SLC25A48: variants seen among roughly 807,000 people sequenced by gnomAD.
The protein encoded by SLC25A48 is solute carrier family 25 member 48.
In SLC25A48, 29 loss-of-function variants were observed where a neutral mutation model predicts 32.2. The ratio of observed to expected loss-of-function variants is 0.90; its 90% confidence interval spans 0.67 to 1.23. The LOEUF is 1.23. SLC25A48 is among the 50% of genes most tolerant of loss of function. The pLI, the probability that SLC25A48 is intolerant of heterozygous loss-of-function variation, is 0.00. For synonymous variants in SLC25A48, 164 were observed against 172.3 expected, an observed-to-expected ratio of 0.95 and a Z score of 0.38; for missense variants, 399 against 422.7, an observed-to-expected ratio of 0.94 and a Z score of 0.49.
rs1762793958 is a variant in SLC25A48 at position 135,887,924 on chromosome 5, A to G, written c.*8-108A>G. On this transcript the variant is annotated intron_variant, in intron 7 of 7. Transcript: ENST00000681962. ...GTGCAAAAGTGTTTTTGTAAACTGT[A>G]AAGTGCAAAACATAGGGGTTAGAGG... 4.8e-6 allele frequency: 5 copies of G among 1,042,770 alleles called. No individual in the cohort carries two copies. In the Admixed American group the frequency reaches 6.6e-5, roughly 14 times the overall value. The allele number at this position is 1,042,770 out of a possible 1,614,324, so 64.6% of individuals were successfully genotyped here. A position where few individuals can be genotyped will look rare whatever the true frequency, so the allele number is the denominator to read the frequency against.
In SLC25A48 at chr5:135,712,962, A is replaced by C. The variant is rs377114980; in HGVS notation, c.-521+78006A>C. On this transcript the variant is annotated intron_variant, in intron 3 of 10. Coordinates refer to the SLC25A48 transcript ENST00000646290. ...AGAACTTGCCCAGTCTCAGGCACCC[A>C]CCCCATCAAAACTTATCCATCCTAT... 3.7e-4 allele frequency among the ~76,000 whole-genome samples: 57 copies of C among 152,236 alleles called. No individual in the cohort carries two copies. In the East Asian group the frequency reaches 9.1e-3, roughly 24 times the overall value.
chr5:135,806,253 TG>T (rs1286940752), intron 3 of SLC25A48, among the ~76,000 whole-genome samples: 1 of 151,778 alleles, frequency 6.6e-6, no homozygotes, highest in East Asian at 1.9e-4. Context: ...CCTGTGGGTA[TG>T]TACTCTGATG....
rs778221644 is a variant in SLC25A48 at position 135,858,265 on chromosome 5, A to G, written c.421+5444A>G. 8.5e-5 allele frequency among the ~76,000 whole-genome samples: 13 copies of G among 152,300 alleles called. 1 individual carries two copies. The highest frequency in any genetic ancestry group is 1.9e-4 in the Non-Finnish European group (13 of 68,030). ...GAGGCATGGAGGTTTCTGCAGGCAAATATTTCTCAACCCTGCAAAGCTTTG... is the reference window on the plus strand; with the variant it reads ...GAGGCATGGAGGTTTCTGCAGGCAAGTATTTCTCAACCCTGCAAAGCTTTG... On this transcript the variant is annotated intron_variant, in intron 4 of 7. Coordinates refer to ENST00000681962, the MANE Select transcript of SLC25A48 (RefSeq NM_001349336.2).
At chr5:135,705,987 C>T (rs1414270521) in intron 3 of SLC25A48, among the ~76,000 whole-genome samples, 1 of 152,230 alleles carries the variant, frequency 6.6e-6, no homozygotes, top group African/African-American at 2.4e-5. Context: ...TCAAGAGTCT[C>T]TCACCTGTAA....
At chr5:135,820,795 A>C (rs968914573) in intron 4 of SLC25A48, among the ~76,000 whole-genome samples, 21 of 152,224 alleles carry the variant, frequency 1.4e-4, no homozygotes, top group African/African-American at 4.8e-4. Context: ...TACAACAACT[A>C]AATTTGACAT....
At chr5:135,828,837 G>A (rs1313930147) in intron 4 of SLC25A48, among the ~76,000 whole-genome samples, 2 of 152,184 alleles carry the variant, frequency 1.3e-5, no homozygotes, top group Non-Finnish European at 1.5e-5. Flanking sequence ...CCCTCCTACA[G>A]CCATGGGGGC....
At chr5:135,668,824 T>A (rs923752741) in intron 3 of SLC25A48, among the ~76,000 whole-genome samples, 3 of 152,186 alleles carry the variant, frequency 2.0e-5, no homozygotes, top group Admixed American at 1.3e-4. Context: ...CAGAAATAGA[T>A]AATGCAAAGA....
chr5:135,872,043 A>G, intron 5 of SLC25A48: 1 of 1,237,316 alleles, frequency 8.1e-7, no homozygotes, highest in South Asian at 3.6e-5. Context: ...CAATCTTTGT[A>G]ATGTAAGGAT....
At chr5:135,585,041 G>T (rs978975646) in intron 1 of SLC25A48, among the ~76,000 whole-genome samples, 2 of 152,236 alleles carry the variant, frequency 1.3e-5, no homozygotes, top group Non-Finnish European at 2.9e-5. Context: ...AGACGCTGGC[G>T]ATGGGCGATG....
chr5:135,712,454 CTT>C (rs1754689765), intron 3 of SLC25A48, among the ~76,000 whole-genome samples: 1 of 152,186 alleles, frequency 6.6e-6, no homozygotes, highest in South Asian at 2.1e-4. Flanking sequence ...ACAGTAGACA[CTT>C]TGGAGAATAC....
At chr5:135,675,406 C>T (rs1424417897) in intron 3 of SLC25A48, among the ~76,000 whole-genome samples, 1 of 151,750 alleles carries the variant, frequency 6.6e-6, no homozygotes, top group African/African-American at 2.4e-5. Context: ...AGCCATAAAA[C>T]CTTGGCCTGC....
At chr5:135,836,245 C>T (rs1463177855) in intron 1 of SLC25A48, among the ~76,000 whole-genome samples, 1 of 152,110 alleles carries the variant, frequency 6.6e-6, no homozygotes, top group Non-Finnish European at 1.5e-5. Flanking sequence ...GAACCCTCCC[C>T]GACTCACAGC....
intron 4 of SLC25A48, among the ~76,000 whole-genome samples, chr5:135,820,306 A>C (rs1260476644): frequency 3.3e-5 from 5 of 152,222 alleles, no homozygotes; most frequent in Non-Finnish European, 5.9e-5. Flanking sequence ...ACTAGGCACA[A>C]AAGAACATGC....
intron 1 of SLC25A48, among the ~76,000 whole-genome samples, chr5:135,606,412 C>T (rs1751932953): frequency 6.6e-6 from 1 of 152,150 alleles, no homozygotes; most frequent in African/African-American, 2.4e-5. Flanking sequence ...CATTTTTAAT[C>T]CTCTAAGTGG....
At chr5:135,667,260 C>T (rs1753546349) in intron 3 of SLC25A48, among the ~76,000 whole-genome samples, 1 of 152,134 alleles carries the variant, frequency 6.6e-6, no homozygotes, top group Admixed American at 6.5e-5. Flanking sequence ...CAAAATGGTA[C>T]CACTCTGGTT....
intron 3 of SLC25A48, among the ~76,000 whole-genome samples, chr5:135,796,752 A>G (rs73789187): frequency 0.021 from 3,225 of 151,764 alleles, 114 homozygotes; most frequent in African/African-American, 0.073. Context: ...CGGGGTGTGT[A>G]ACCACCCACT....
rs1035607358 is a variant in SLC25A48 at position 135,774,090 on chromosome 5, G to A, written c.-520-38433G>A. 2.0e-5 allele frequency among the ~76,000 whole-genome samples: 3 copies of A among 151,038 alleles called. No homozygotes were observed. In the East Asian group the frequency reaches 5.9e-4, roughly 30 times the overall value. ...CATGTTATTTTTCCAAATATCCAGG[G>A]GAATGAGAATGATATTACTCCCTAT... On this transcript the variant is annotated intron_variant, in intron 3 of 10. Transcript: ENST00000646290.
intron 1 of SLC25A48, among the ~76,000 whole-genome samples, chr5:135,583,365 T>G (rs776180255): frequency 6.6e-6 from 1 of 152,078 alleles, no homozygotes; most frequent in Non-Finnish European, 1.5e-5. Flanking sequence ...ACCTCCTTGG[T>G]CTGCTTAGAA....
chr5:135,645,194 T>G (rs1752931164), intron 3 of SLC25A48, among the ~76,000 whole-genome samples: 1 of 152,216 alleles, frequency 6.6e-6, no homozygotes, highest in South Asian at 2.1e-4. Flanking sequence ...TCACTTCTTT[T>G]GCATTGTGTT....
Sources: allele counts gnomAD v4.1 joint callset (sites outside exome capture counted in the v4.1 genomes callset), GRCh38; gene constraint gnomAD v4.1.1; transcripts MANE v1.5; gene names NCBI Gene and HGNC (gene_info 2026-07-23, HGNC 2026-07-21).